Variants in MAP3K5 observed in about 807,000 individuals in gnomAD.
MAP3K5 encodes the protein ASK-1.
A neutral mutation model predicts 158.7 loss-of-function variants in MAP3K5; 56 were observed. The observed-to-expected ratio is 0.35, with a 90% confidence interval of 0.28 to 0.44. MAP3K5 has a LOEUF of 0.44. MAP3K5 is among the 20% of genes least tolerant of loss of function. The probability of loss-of-function intolerance (pLI) is 1.00; values close to 1 mark genes in which losing one functional copy is unlikely to be tolerated. For synonymous variants in MAP3K5, 579 were observed against 601.7 expected (o/e 0.96, Z 0.55); for missense variants, 1,294 against 1,674.8 (o/e 0.77, Z 3.97).
At chr6:136,639,053 C>T (rs1435928004) in intron 13 of MAP3K5, among the ~76,000 whole-genome samples, 2 of 152,124 alleles carry the variant, frequency 1.3e-5, no homozygotes, top group African/African-American at 4.8e-5. Context: ...TAGATCAGAT[C>T]AGTGGCTCTT....
chr6:136,616,599 A>G (rs1010372004), intron 15 of MAP3K5, among the ~76,000 whole-genome samples: 17 of 151,948 alleles, frequency 1.1e-4, no homozygotes, highest in African/African-American at 4.1e-4. Context: ...GAGCCAACAA[A>G]CCTGGCTTAT....
At chr6:136,651,213 G>A (rs1033095669) in intron 10 of MAP3K5, 122 bp from the exon 11 acceptor site, 2 of 540,026 alleles carry the variant, frequency 3.7e-6, no homozygotes. Context: ...TCTGTTCCTG[G>A]AGTAAACCAT....
intron 1 of MAP3K5, among the ~76,000 whole-genome samples, chr6:136,765,825 C>T (rs1300829604): frequency 6.6e-6 from 1 of 151,824 alleles, no homozygotes; most frequent in East Asian, 1.9e-4. Context: ...CCACTTTGCC[C>T]GGCAGTAACT....
intron 2 of MAP3K5, 35 bp from the exon 3 acceptor site, chr6:136,705,168 A>C: frequency 1.0e-6 from 1 of 988,558 alleles, no homozygotes; most frequent in Non-Finnish European, 1.5e-6. Flanking sequence ...CCACAAGTTA[A>C]TACAAAACTG....
chr6:136,662,071 C>T (rs934910092), intron 8 of MAP3K5, among the ~76,000 whole-genome samples: 6 of 152,196 alleles, frequency 3.9e-5, no homozygotes, highest in African/African-American at 1.4e-4. Flanking sequence ...TTACTCTAAA[C>T]ATTCTTGTAC....
chr6:136,564,303 T>C (rs1435053240), intron 26 of MAP3K5, among the ~76,000 whole-genome samples: 1 of 152,028 alleles, frequency 6.6e-6, no homozygotes, highest in African/African-American at 2.4e-5. Context: ...GCAGAGTAGG[T>C]AGCAGAGGTG....
At chr6:136,580,201 T>C (rs757924780) in intron 25 of MAP3K5, 100 bp downstream of exon 25, 8 of 786,086 alleles carry the variant, frequency 1.0e-5, no homozygotes, top group East Asian at 2.5e-5. Context: ...AAGGGTATTA[T>C]GGTTTTTAAA....
intron 24 of MAP3K5, among the ~76,000 whole-genome samples, chr6:136,582,980 A>T (rs1263220038): frequency 6.6e-6 from 1 of 152,214 alleles, no homozygotes; most frequent in Non-Finnish European, 1.5e-5. Context: ...ACTTCTCAGC[A>T]ATCTCTCATT....
chr6:136,730,193 C>A, intron 1 of MAP3K5, among the ~76,000 whole-genome samples: 1 of 144,874 alleles, frequency 6.9e-6, no homozygotes, highest in Non-Finnish European at 1.5e-5. Context: ...GAAACAAGGT[C>A]TCACTATGTC....
rs762504126 is a variant in MAP3K5 at position 136,562,500 on chromosome 6, C to T, written c.3874+3G>A. ...TATTACTATAAAACTTTCTGCTATTCACCTATGGGTTGGGACTTAAGCTTC... is the reference window on the plus strand; with the variant it reads ...TATTACTATAAAACTTTCTGCTATTTACCTATGGGTTGGGACTTAAGCTTC... On this transcript the variant is annotated splice_donor_region_variant and intron_variant, in intron 27 of 29. Transcript: ENST00000359015. 5 of 1,508,508 alleles carry T rather than the reference C, an allele frequency of 3.3e-6. No homozygotes were observed. 93.4% of individuals were successfully genotyped at this position (1,508,508 alleles called of 1,614,324 possible).
intron 28 of MAP3K5, among the ~76,000 whole-genome samples, chr6:136,559,531 T>C (rs1277150562): frequency 1.3e-5 from 2 of 152,258 alleles, no homozygotes; most frequent in South Asian, 2.1e-4. Context: ...AGAAGTTCAA[T>C]GCTACATAGC....
chr6:136,754,708 G>A (rs546383567), intron 1 of MAP3K5, among the ~76,000 whole-genome samples: 9 of 152,338 alleles, frequency 5.9e-5, no homozygotes, highest in South Asian at 2.1e-4. Flanking sequence ...ACAGTAAGAT[G>A]TCCAGAAGAA....
At chr6:136,559,639 A>G (rs1830416821) in intron 28 of MAP3K5, among the ~76,000 whole-genome samples, 1 of 152,218 alleles carries the variant, frequency 6.6e-6, no homozygotes, top group Admixed American at 6.5e-5. Flanking sequence ...AAGGCACTTG[A>G]CTGTAATTCA....
chr6:136,628,008 A>G (rs1447511523), intron 14 of MAP3K5, among the ~76,000 whole-genome samples: 1 of 152,252 alleles, frequency 6.6e-6, no homozygotes, highest in Non-Finnish European at 1.5e-5. Flanking sequence ...TTATAGAAAA[A>G]TGTGATGAGA....
intron 1 of MAP3K5, among the ~76,000 whole-genome samples, chr6:136,760,715 A>G (rs1212825605): frequency 6.6e-6 from 1 of 152,170 alleles, no homozygotes; most frequent in Admixed American, 6.5e-5. Flanking sequence ...CACGCCTGTA[A>G]TCCCAGCACT....
chr6:136,603,333 C>T (rs1050967504), intron 19 of MAP3K5, among the ~76,000 whole-genome samples: 5 of 151,156 alleles, frequency 3.3e-5, no homozygotes, highest in Admixed American at 2.6e-4. Flanking sequence ...CCACTGTGCC[C>T]CCCTAATTTT....
Position 136,768,380 on chromosome 6 carries a change from A to T in MAP3K5, c.448+23330T>A, listed in dbSNP as rs1337034184. Among the ~76,000 whole-genome samples the T allele has an allele frequency of 3.9e-5, 6 of 152,352 alleles. No individual in the cohort carries two copies. The South Asian group carries it at 6.2e-4, about 16-fold the overall frequency. ...GGAATAAAATGACCAATTTAAAAAT[A>T]AGCAAAGAATCTGAACGGACAGTTC... On this transcript the variant is annotated intron_variant, in intron 1 of 29. Coordinates refer to ENST00000359015, the MANE Select transcript of MAP3K5 (RefSeq NM_005923.4).
intron 2 of MAP3K5, among the ~76,000 whole-genome samples, chr6:136,710,435 A>C (rs1398688798): frequency 6.6e-6 from 1 of 152,216 alleles, no homozygotes; most frequent in East Asian, 1.9e-4. Flanking sequence ...ACATTCAAAA[A>C]AATTCTTTTC....
chr6:136,558,414 T>C (rs558663269), intron 29 of MAP3K5, among the ~76,000 whole-genome samples: 7 of 152,014 alleles, frequency 4.6e-5, no homozygotes, highest in Admixed American at 3.9e-4. Flanking sequence ...TTGGCCTTAA[T>C]TAACAAGAAA....
Sources: gnomAD v4.1 joint callset for allele counts (sites outside exome capture counted in the v4.1 genomes callset) on GRCh38, gnomAD v4.1.1 for gene constraint, MANE v1.5 for transcripts, NCBI Gene and HGNC (gene_info 2026-07-23, HGNC 2026-07-21) for gene names.